Variants in PTPRT observed in about 807,000 individuals in gnomAD.
PTPRT encodes protein tyrosine phosphatase receptor type T.
In PTPRT, 56 loss-of-function variants were observed where a neutral mutation model predicts 176.8. That is an observed-to-expected ratio of 0.32 (90% CI 0.26 to 0.40). PTPRT has a LOEUF of 0.40. Among genes scored for constraint, PTPRT ranks in the 10% least tolerant of loss-of-function variants. The pLI, the probability that PTPRT is intolerant of heterozygous loss-of-function variation, is 1.00. For synonymous variants in PTPRT, 783 were observed against 739.0 expected (o/e 1.06, Z -0.96); for missense variants, 1,540 against 1,908.2 (o/e 0.81, Z 3.60).
At chr20:42,126,453 T>A (rs1987861573) in intron 19 of PTPRT, among the ~76,000 whole-genome samples, 1 of 152,212 alleles carries the variant, frequency 6.6e-6, no homozygotes, top group Non-Finnish European at 1.5e-5. Context: ...GGTACTTACC[T>A]TGTGAAGTTG....
At chr20:42,555,721 T>C (rs1218980008) in intron 7 of PTPRT, among the ~76,000 whole-genome samples, 1 of 152,164 alleles carries the variant, frequency 6.6e-6, no homozygotes, top group African/African-American at 2.4e-5. Context: ...CAGGTATTGC[T>C]GTACAGAACA....
intron 4 of PTPRT, among the ~76,000 whole-genome samples, chr20:42,776,874 G>T (rs1012623784): frequency 6.7e-6 from 1 of 148,490 alleles, no homozygotes; most frequent in Non-Finnish European, 1.5e-5. Context: ...ATAATATATA[G>T]ATTATAATAA....
intron 1 of PTPRT, among the ~76,000 whole-genome samples, chr20:43,087,651 A>G (rs2011651975): frequency 6.6e-6 from 1 of 152,134 alleles, no homozygotes; most frequent in South Asian, 2.1e-4. Flanking sequence ...GGTGTGAGCC[A>G]CTGCACCTTG....
intron 1 of PTPRT, among the ~76,000 whole-genome samples, chr20:43,052,051 C>G (rs544656153): frequency 1.8e-4 from 28 of 152,200 alleles, no homozygotes; most frequent in African/African-American, 6.3e-4. Context: ...AATGGTCTCA[C>G]GGAAACAAAA....
intron 1 of PTPRT, among the ~76,000 whole-genome samples, chr20:43,018,848 A>C (rs577794685): frequency 6.6e-6 from 1 of 152,338 alleles, no homozygotes; most frequent in Admixed American, 6.5e-5. Flanking sequence ...TATCATCAAG[A>C]GTTTAAGGAG....
chr20:42,352,610 T>C (rs778386026), intron 9 of PTPRT, among the ~76,000 whole-genome samples: 2 of 152,094 alleles, frequency 1.3e-5, no homozygotes, highest in Non-Finnish European at 2.9e-5. Flanking sequence ...GGATGGTTAA[T>C]GGGTAGAAAA....
intron 1 of PTPRT, among the ~76,000 whole-genome samples, chr20:42,955,755 A>G (rs1600591585): frequency 6.6e-6 from 1 of 151,168 alleles, no homozygotes; most frequent in African/African-American, 2.4e-5. Flanking sequence ...GAGGCAGTAC[A>G]TTCTCACAAA....
rs1180127231 is a variant in PTPRT, at chr20:42,079,923, C to T, written c.*956G>A. 3.4e-5 allele frequency: 8 copies of T among 232,436 alleles called. No homozygotes were observed. Among genetic ancestry groups the T allele is most frequent in the East Asian group, 3.0e-4 (5 of 16,506 alleles). The allele number at this position is 232,436 out of a possible 1,614,324, so 14.4% of individuals were successfully genotyped here. On this transcript the variant is annotated 3_prime_UTR_variant, in exon 31 of 31. Coordinates refer to ENST00000373187, the MANE Select transcript of PTPRT (RefSeq NM_007050.6). Reference sequence around the variant, plus strand: ...TTAGAGGTACATACTCAAACTCCCCCGCCCCCTTCTTTTTGACATAAGAGA... The same window carrying T: ...TTAGAGGTACATACTCAAACTCCCCTGCCCCCTTCTTTTTGACATAAGAGA...
At chr20:43,182,291 G>C (rs2015276467) in intron 1 of PTPRT, among the ~76,000 whole-genome samples, 1 of 152,104 alleles carries the variant, frequency 6.6e-6, no homozygotes, top group East Asian at 1.9e-4. Context: ...GCAGGAGCTG[G>C]AACATAACTG....
intron 2 of PTPRT, among the ~76,000 whole-genome samples, chr20:42,820,528 C>G (rs1285402969): frequency 6.6e-6 from 1 of 151,842 alleles, no homozygotes; most frequent in Non-Finnish European, 1.5e-5. Flanking sequence ...CAAGAGCAAA[C>G]TAATCCAAAA....
intron 15 of PTPRT, among the ~76,000 whole-genome samples, chr20:42,222,823 G>A (rs370678195): frequency 3.3e-5 from 5 of 152,200 alleles, no homozygotes; most frequent in African/African-American, 1.2e-4. Flanking sequence ...TAGCAAATTA[G>A]TTGAACCCAA....
chr20:42,804,158 C>A (rs537182445), intron 2 of PTPRT, among the ~76,000 whole-genome samples: 1 of 152,104 alleles, frequency 6.6e-6, no homozygotes, highest in South Asian at 2.1e-4. Flanking sequence ...AGATTTTCTA[C>A]GGTTTTCATC....
intron 6 of PTPRT, among the ~76,000 whole-genome samples, chr20:42,699,607 A>G (rs987103219): frequency 6.6e-6 from 1 of 152,204 alleles, no homozygotes; most frequent in African/African-American, 2.4e-5. Context: ...AAACTCATGA[A>G]GGGGACACAG....
intron 7 of PTPRT, among the ~76,000 whole-genome samples, chr20:42,551,210 G>C (rs1301439841): frequency 2.0e-5 from 3 of 151,942 alleles, no homozygotes; most frequent in Non-Finnish European, 4.4e-5. Flanking sequence ...ACGTTTTAAG[G>C]CATTAATCCT....
intron 1 of PTPRT, among the ~76,000 whole-genome samples, chr20:43,046,865 T>C (rs1986859682): frequency 6.6e-6 from 1 of 152,200 alleles, no homozygotes. Flanking sequence ...CAAATCTTGT[T>C]AGCAAAGTCA....
intron 1 of PTPRT, among the ~76,000 whole-genome samples, chr20:43,109,431 C>T (rs888321699): frequency 2.0e-5 from 3 of 152,108 alleles, no homozygotes; most frequent in African/African-American, 4.8e-5. Context: ...GGCCTGATCT[C>T]GACTCTGAGC....
At chr20:42,099,546 C>G (rs909778) in intron 26 of PTPRT, among the ~76,000 whole-genome samples, 334 of 28,792 alleles carry the variant, frequency 0.012, 5 homozygotes, top group East Asian at 0.045. Context: ...ATGGCCTGGG[C>G]GGGGGGGGGG....
At chr20:42,425,761 A>T in intron 9 of PTPRT, among the ~76,000 whole-genome samples, 1 of 152,190 alleles carries the variant, frequency 6.6e-6, no homozygotes, top group East Asian at 1.9e-4. Flanking sequence ...CACTTCAATA[A>T]AGCTGGGGTA....
intron 7 of PTPRT, among the ~76,000 whole-genome samples, chr20:42,477,393 A>ATT (rs79059055): frequency 2.0e-5 from 3 of 151,198 alleles, no homozygotes; most frequent in South Asian, 2.1e-4. Flanking sequence ...ATATATATAT[A>ATT]TTTTTTTTGC....
Sources: allele counts gnomAD v4.1 joint callset (sites outside exome capture counted in the v4.1 genomes callset), GRCh38; gene constraint gnomAD v4.1.1; transcripts MANE v1.5; gene names NCBI Gene and HGNC (gene_info 2026-07-23, HGNC 2026-07-21).